The following CLYBL variants were observed in gnomAD, a reference collection of about 807,000 sequenced individuals.
The protein encoded by CLYBL is citramalyl-CoA lyase, also known as citramalyl-CoA lyase, mitochondrial.
A neutral mutation model predicts 38.9 loss-of-function variants in CLYBL; 31 were observed. The observed-to-expected ratio is 0.80, with a 90% CI of 0.60 to 1.08. CLYBL has a LOEUF of 1.08. Ranked by LOEUF, CLYBL falls within the 50% of genes least tolerant of loss-of-function variation. The pLI, the probability that CLYBL is intolerant of heterozygous loss-of-function variation, is 0.00. For missense variants in CLYBL, 434 were observed against 411.6 expected (o/e 1.05, Z -0.47); for synonymous variants, 171 against 158.6 (o/e 1.08, Z -0.59).
At chr13:99,838,978 A>G (rs984541440) in intron 2 of CLYBL, among the ~76,000 whole-genome samples, 3 of 152,236 alleles carry the variant, frequency 2.0e-5, no homozygotes. Context: ...AAAACTGAGC[A>G]ACTGGTATTA....
At chr13:99,669,640 T>C (rs2793787) in intron 1 of CLYBL, among the ~76,000 whole-genome samples, 76,488 of 151,880 alleles carry the variant, frequency 0.5, 19,669 homozygotes, top group African/African-American at 0.59. Context: ...ATTGCATGGA[T>C]GTTGTACATT....
intron 2 of CLYBL, among the ~76,000 whole-genome samples, chr13:99,778,324 T>A: frequency 6.6e-6 from 1 of 151,496 alleles, no homozygotes; most frequent in Admixed American, 6.6e-5. Flanking sequence ...TAAGAAGAAA[T>A]CCATATTAAA....
chr13:99,693,992 T>G (rs2047944236), intron 1 of CLYBL, among the ~76,000 whole-genome samples: 1 of 152,076 alleles, frequency 6.6e-6, no homozygotes, highest in African/African-American at 2.4e-5. Context: ...TTGCCCAAAT[T>G]TACAATAGGT....
chr13:99,843,511 C>A (rs1410505461), intron 2 of CLYBL, among the ~76,000 whole-genome samples: 1 of 152,026 alleles, frequency 6.6e-6, no homozygotes, highest in Non-Finnish European at 1.5e-5. Context: ...CTCTCCATTA[C>A]CTAAAATGGT....
intron 1 of CLYBL, among the ~76,000 whole-genome samples, chr13:99,612,833 G>A (rs982294523): frequency 1.3e-5 from 2 of 151,534 alleles, no homozygotes; most frequent in Admixed American, 1.3e-4. Context: ...GTAACATAGT[G>A]AGATGCTGTC....
intron 1 of CLYBL, among the ~76,000 whole-genome samples, chr13:99,739,564 T>C (rs2048717849): frequency 6.6e-6 from 1 of 152,238 alleles, no homozygotes; most frequent in South Asian, 2.1e-4. Context: ...CTCAGTTCTT[T>C]GGCCATGTTC....
intron 2 of CLYBL, among the ~76,000 whole-genome samples, chr13:99,799,951 G>A (rs962981104): frequency 8.5e-5 from 13 of 152,226 alleles, no homozygotes; most frequent in Admixed American, 2.6e-4. Context: ...CATTCAGAGC[G>A]TGGCCTTCCT....
intron 1 of CLYBL, among the ~76,000 whole-genome samples, chr13:99,766,089 G>A (rs1292071993): frequency 6.6e-6 from 1 of 152,064 alleles, no homozygotes; most frequent in Non-Finnish European, 1.5e-5. Context: ...CTGCCTTCAA[G>A]TGATCCTCCT....
intron 1 of CLYBL, among the ~76,000 whole-genome samples, chr13:99,738,698 A>G (rs772112331): frequency 3.3e-5 from 5 of 152,208 alleles, no homozygotes; most frequent in Non-Finnish European, 7.3e-5. Context: ...CCGAAAACTT[A>G]GGTATTCAAA....
downstream of CLYBL, among the ~76,000 whole-genome samples, chr13:99,897,733 G>A (rs2052599035): frequency 1.3e-5 from 2 of 152,176 alleles, no homozygotes; most frequent in Admixed American, 6.5e-5. Flanking sequence ...ATCACTTAAG[G>A]TCAGGAGTTC....
chr13:99,869,409 G>A lies in CLYBL; in HGVS notation c.803-1529G>A, dbSNP rs1025076565. Among the ~76,000 whole-genome samples the A allele has an allele frequency of 6.6e-6, 1 of 152,132 alleles. No individual in the cohort carries two copies. Among genetic ancestry groups the A allele is most frequent in the South Asian group, 2.1e-4 (1 of 4,822 alleles). On this transcript the variant is annotated intron_variant, in intron 6 of 8. Transcript: ENST00000339105. This position sits in a 1 kb window ranked among gnomAD's most constrained non-coding sequence, Gnocchi z 4.3. ...TGACATCCTTTATTAACAATATCCC[G>A]ACAACTATTAAATTACTTAAATATA...
intron 1 of CLYBL, among the ~76,000 whole-genome samples, chr13:99,608,548 A>G (rs901870832): frequency 1.3e-4 from 20 of 152,148 alleles, no homozygotes; most frequent in Non-Finnish European, 8.8e-5. Context: ...AGGCTGGTCC[A>G]GAAGGGTCCT....
intron 2 of CLYBL, among the ~76,000 whole-genome samples, chr13:99,850,061 G>T (rs1046416858): frequency 2.6e-5 from 4 of 152,126 alleles, no homozygotes; most frequent in African/African-American, 7.2e-5. Context: ...AAAGACATAG[G>T]TATATATCTC....
intron 1 of CLYBL, among the ~76,000 whole-genome samples, chr13:99,639,387 A>G (rs2047063896): frequency 1.3e-5 from 2 of 152,220 alleles, no homozygotes; most frequent in South Asian, 2.1e-4. Context: ...TAACTCTACT[A>G]TGCTTTAATT....
At chr13:99,634,273 G>A (rs1027761053) in intron 1 of CLYBL, among the ~76,000 whole-genome samples, 2 of 152,130 alleles carry the variant, frequency 1.3e-5, no homozygotes, top group Admixed American at 6.6e-5. Context: ...CAAAATTGAA[G>A]CCCAAATAAA....
intron 1 of CLYBL, among the ~76,000 whole-genome samples, chr13:99,770,076 CTTTCTTTTTT>C (rs2049351006): frequency 3.3e-5 from 4 of 121,964 alleles, no homozygotes; most frequent in Admixed American, 8.6e-5. Flanking sequence ...TTTTTCTTTT[CTTTCTTTTTT>C]TTTTTTTTTT....
downstream of CLYBL, chr13:99,893,189 C>T (rs1196913815): frequency 6.6e-6 from 1 of 152,338 alleles, no homozygotes; most frequent in Non-Finnish European, 1.5e-5. Context: ...ACTCAGAGGC[C>T]GGAAGGAGGA....
At chr13:99,656,024 G>C (rs1168455097) in intron 1 of CLYBL, among the ~76,000 whole-genome samples, 2 of 152,210 alleles carry the variant, frequency 1.3e-5, no homozygotes, top group Non-Finnish European at 2.9e-5. Context: ...GCACAGCTCT[G>C]TGACAGTCTC....
chr13:99,675,472 C>T lies in CLYBL; in HGVS notation c.62+68715C>T, dbSNP rs529399756. The stretch of plus-strand genomic sequence containing the variant: ...TCACCATGATTAATTTTATTTCTAT[C>T]ACTGTTTCTTCAGCCCCAAAAGAAA... On this transcript the variant is annotated intron_variant, in intron 1 of 8. Transcript: ENST00000339105. Among the ~76,000 whole-genome samples the T allele has an allele frequency of 3.9e-5, 6 of 152,268 alleles. No homozygotes were observed. The South Asian group carries it at 1.2e-3, about 32-fold the overall frequency.
Sources: gnomAD v4.1 joint callset for allele counts (sites outside exome capture counted in the v4.1 genomes callset) on GRCh38, gnomAD v4.1.1 for gene constraint, Gnocchi (gnomAD v3.1) non-coding constraint, MANE v1.5 for transcripts, NCBI Gene and HGNC (gene_info 2026-07-23, HGNC 2026-07-21) for gene names.